PCDH7: variants seen among roughly 807,000 people sequenced by gnomAD.
PCDH7 encodes the protein protocadherin-7.
Under a neutral mutation model 58.9 loss-of-function variants are expected in PCDH7, and 17 were observed. The ratio of observed to expected loss-of-function variants is 0.29; its 90% confidence interval spans 0.20 to 0.43. The LOEUF (loss-of-function observed/expected upper bound fraction) is 0.43, where lower values mean the gene tolerates loss of function less well. Ranked by LOEUF, PCDH7 falls within the 20% of genes least tolerant of loss-of-function variation. PCDH7 has a pLI of 1.00. For synonymous variants in PCDH7, 664 were observed against 616.4 expected, an observed-to-expected ratio of 1.08 and a Z score of -1.14; for missense variants, 1,274 against 1,441.0, an observed-to-expected ratio of 0.88 and a Z score of 1.88.
At chr4:30,760,444 C>A (rs1448386373) in intron 1 of PCDH7, among the ~76,000 whole-genome samples, 1 of 152,138 alleles carries the variant, frequency 6.6e-6, no homozygotes, top group East Asian at 1.9e-4. Flanking sequence ...ATCTAGAAAA[C>A]CCCATGATTT....
intron 3 of PCDH7, among the ~76,000 whole-genome samples, chr4:31,045,341 G>A (rs1007476588): frequency 6.6e-6 from 1 of 151,980 alleles, no homozygotes; most frequent in Admixed American, 6.6e-5. Flanking sequence ...TCAGGTTTCA[G>A]GAAGTAATTG....
intron 3 of PCDH7, among the ~76,000 whole-genome samples, chr4:31,120,431 C>CT (rs1483312437): frequency 1.1e-5 from 1 of 87,660 alleles, no homozygotes; most frequent in Admixed American, 1.2e-4. Context: ...GTTTTTCTTT[C>CT]TATTTTTTTC....
At chr4:30,991,784 T>A (rs563245114) in intron 3 of PCDH7, among the ~76,000 whole-genome samples, 22 of 152,146 alleles carry the variant, frequency 1.4e-4, no homozygotes, top group Admixed American at 5.9e-4. Context: ...ATTAAAGTAT[T>A]GCTTAAAATT....
At chr4:30,861,383 A>G (rs1279124835) in intron 1 of PCDH7, among the ~76,000 whole-genome samples, 2 of 151,846 alleles carry the variant, frequency 1.3e-5, no homozygotes, top group East Asian at 1.9e-4. Flanking sequence ...AACTAAATGC[A>G]TGTATGCTTG....
intron 3 of PCDH7, among the ~76,000 whole-genome samples, chr4:31,093,626 T>C (rs1460328041): frequency 6.6e-6 from 1 of 151,866 alleles, no homozygotes; most frequent in Admixed American, 6.6e-5. Context: ...AAAAAGACAT[T>C]TGTTAACTTA....
At position 30,814,508 on chromosome 4, in the gene PCDH7, C is replaced by T. The variant is rs554937703; in HGVS notation, c.70+89912C>T. ...TTTTATTTACTTTTTCTTCTCTGAA[C>T]GTTGTTGTTGGTAATATATTTTTAC... On this transcript the variant is annotated intron_variant, in intron 1 of 3. Transcript: ENST00000509759. Among the ~76,000 whole-genome samples the T allele has an allele frequency of 2.0e-5, 3 of 151,944 alleles. No individual in the cohort carries two copies. The South Asian group carries it at 6.2e-4, about 32-fold the overall frequency.
At chr4:31,121,698 G>A (rs139808672) in intron 3 of PCDH7, among the ~76,000 whole-genome samples, 1 of 152,262 alleles carries the variant, frequency 6.6e-6, no homozygotes, top group East Asian at 1.9e-4. Flanking sequence ...AAACAGCTCA[G>A]TGGTAGAAGA....
At chr4:31,115,442 T>C (rs1716876532) in intron 3 of PCDH7, among the ~76,000 whole-genome samples, 2 of 152,176 alleles carry the variant, frequency 1.3e-5, no homozygotes, top group Non-Finnish European at 1.5e-5. Context: ...TGTTTTGAAA[T>C]ATGTGTAGCT....
intron 1 of PCDH7, among the ~76,000 whole-genome samples, chr4:30,887,800 T>A (rs564178792): frequency 1.3e-5 from 2 of 152,218 alleles, no homozygotes; most frequent in African/African-American, 4.8e-5. Flanking sequence ...TCACACGGCA[T>A]TGATCAGATT....
At chr4:30,923,554 G>T (rs528780802) in intron 2 of PCDH7, among the ~76,000 whole-genome samples, 2 of 152,074 alleles carry the variant, frequency 1.3e-5, no homozygotes, top group South Asian at 4.2e-4. Flanking sequence ...TAAGGAAAAA[G>T]AATATACCAT....
At chr4:30,808,596 A>T (rs1309352284) in intron 1 of PCDH7, among the ~76,000 whole-genome samples, 1 of 152,072 alleles carries the variant, frequency 6.6e-6, no homozygotes. Flanking sequence ...CATATAAGCA[A>T]TTACTTTTTT....
chr4:30,723,960 A>T lies in PCDH7; in HGVS notation c.2538A>T (p.Ala846=). The change falls in exon 1 of 2, where the codon GCA becomes GCT. Residue 846 remains alanine, a synonymous_variant. Transcript: ENST00000361762. The surrounding 1 kb of genome is among the most constrained non-coding windows in gnomAD (Gnocchi z 4.6). ...TTGTCAATGAAAGTGTTTCTAATGC[A>T]ACTGCGATTGACTCCCAGATAGCTA... is the stretch of plus-strand genomic sequence containing the variant. The T allele has an allele frequency of 6.2e-7, 1 of 1,614,168 alleles. No homozygotes were observed.
rs962253798 is a variant in PCDH7, at chr4:30,893,279, T to C, written c.71-26874T>C. ...TTTTCAGTAATCAACTTTTCCAAGC[T>C]ACCATTGTTGTTGTTTTTCTGGGCT... On this transcript the variant is annotated intron_variant, in intron 1 of 3. Coordinates refer to the PCDH7 transcript ENST00000509759. Among the ~76,000 whole-genome samples, 3 of 152,088 alleles carry C rather than the reference T, an allele frequency of 2.0e-5. No individual in the cohort carries two copies. In the East Asian group the frequency reaches 5.8e-4, roughly 29 times the overall value.
chr4:30,925,238 A>G (rs996100429), intron 2 of PCDH7, among the ~76,000 whole-genome samples: 4 of 152,196 alleles, frequency 2.6e-5, no homozygotes, highest in Admixed American at 6.5e-5. Context: ...TATCATTGAG[A>G]ATAAGCCACT....
At chr4:31,079,074 AC>A (rs914755294) in intron 3 of PCDH7, among the ~76,000 whole-genome samples, 31 of 151,916 alleles carry the variant, frequency 2.0e-4, no homozygotes, top group Admixed American at 6.6e-4. Flanking sequence ...TAAACATTTA[AC>A]ATTTAAAGAT....
In PCDH7 at chr4:30,798,195, C is replaced by T. The variant is rs115576331; in HGVS notation, c.70+73599C>T. 6.3e-3 allele frequency among the ~76,000 whole-genome samples: 963 copies of T among 152,224 alleles called. 12 individuals are homozygous for T. The highest frequency in any genetic ancestry group is 0.022 in the African/African-American group (896 of 41,528). On this transcript the variant is annotated intron_variant, in intron 1 of 3. Coordinates refer to the PCDH7 transcript ENST00000509759. ...TGTATTTAAGTTGAAGGAGATTCAA[C>T]TTGAACTTGGGAGGAATGGGAGTCA...
At chr4:30,830,735 A>G (rs532998232) in intron 1 of PCDH7, among the ~76,000 whole-genome samples, 1 of 152,240 alleles carries the variant, frequency 6.6e-6, no homozygotes, top group South Asian at 2.1e-4. Flanking sequence ...CAGAAAGAAA[A>G]TCATTTATGC....
chr4:30,871,174 C>T (rs991817723), intron 1 of PCDH7, among the ~76,000 whole-genome samples: 2 of 152,002 alleles, frequency 1.3e-5, no homozygotes, highest in African/African-American at 4.8e-5. Context: ...TGATTTTATG[C>T]TTATTAGTTA....
chr4:31,121,492 A>G (rs1053950377), intron 3 of PCDH7, among the ~76,000 whole-genome samples: 45 of 152,342 alleles, frequency 3.0e-4, no homozygotes, highest in African/African-American at 1.1e-3. Context: ...CCTTGCTGCA[A>G]GCAGCAGTAT....
Sources: allele counts gnomAD v4.1 joint callset (sites outside exome capture counted in the v4.1 genomes callset), GRCh38; gene constraint gnomAD v4.1.1; non-coding constraint Gnocchi (gnomAD v3.1); transcripts MANE v1.5; gene names NCBI Gene and HGNC (gene_info 2026-07-23, HGNC 2026-07-21).